WWOX: variants seen among roughly 807,000 people sequenced by gnomAD.
WWOX encodes WW domain-containing oxidoreductase.
Under a neutral mutation model 46.2 loss-of-function variants are expected in WWOX, and 69 were observed. The observed-to-expected ratio is 1.49, with a 90% CI of 1.23 to 1.82. The LOEUF (loss-of-function observed/expected upper bound fraction) is 1.82. Ranked by LOEUF, WWOX falls within the 40% of genes most tolerant of loss-of-function variation. The pLI is 0.00. For synonymous variants in WWOX, 359 were observed against 202.6 expected (o/e 1.77, Z -6.56); for missense variants, 919 against 542.6 (o/e 1.69, Z -6.89).
chr16:79,094,580 AAAC>A (rs2049031692), intron 8 of WWOX, among the ~76,000 whole-genome samples: 1 of 152,190 alleles, frequency 6.6e-6, no homozygotes, highest in African/African-American at 2.4e-5. Flanking sequence ...AGCAAATAAG[AAAC>A]AACAACAAAC....
At chr16:78,626,134 T>TA (rs1407594034) in intron 8 of WWOX, among the ~76,000 whole-genome samples, 3 of 151,020 alleles carry the variant, frequency 2.0e-5, no homozygotes, top group African/African-American at 4.9e-5. Context: ...TTTTATTTAT[T>TA]TTTTTTTTCT....
intron 5 of WWOX, among the ~76,000 whole-genome samples, chr16:78,201,669 C>T (rs1028210924): frequency 6.7e-6 from 1 of 149,744 alleles, no homozygotes; most frequent in African/African-American, 2.5e-5. Context: ...CTGGGCATTC[C>T]TTGGATTATT....
chr16:78,288,332 G>T (rs1457692801), intron 5 of WWOX, among the ~76,000 whole-genome samples: 2 of 148,394 alleles, frequency 1.3e-5, no homozygotes, highest in African/African-American at 2.5e-5. Context: ...GTGATAGGAC[G>T]GGTAACCCAG....
chr16:78,544,096 A>G (rs1025642497), intron 8 of WWOX, among the ~76,000 whole-genome samples: 5 of 152,190 alleles, frequency 3.3e-5, no homozygotes, highest in Admixed American at 2.6e-4. Context: ...TTTGACTTTC[A>G]GGATATTTGT....
At chr16:79,068,214 A>C (rs1306985906) in intron 8 of WWOX, among the ~76,000 whole-genome samples, 1 of 152,174 alleles carries the variant, frequency 6.6e-6, no homozygotes. Flanking sequence ...AAATAGTAGC[A>C]ACGGTAACTA....
intron 8 of WWOX, among the ~76,000 whole-genome samples, chr16:78,845,749 G>C (rs1175087402): frequency 3.3e-5 from 5 of 152,200 alleles, no homozygotes; most frequent in Non-Finnish European, 5.9e-5. Context: ...TGAAGGTTGA[G>C]ATATGTACTA....
chr16:79,025,821 G>C (rs185823073), intron 8 of WWOX, among the ~76,000 whole-genome samples: 5 of 16,122 alleles, frequency 3.1e-4, no homozygotes, highest in African/African-American at 8.1e-4. Flanking sequence ...TTTTTGAGAC[G>C]GAGTTTTGCT....
At chr16:78,406,476 C>G (rs2082549346) in intron 6 of WWOX, among the ~76,000 whole-genome samples, 1 of 150,264 alleles carries the variant, frequency 6.7e-6, no homozygotes. Context: ...CCTTAGCCTC[C>G]TGAGTAGCTG....
chr16:78,151,797 A>G (rs1371335142), intron 4 of WWOX, among the ~76,000 whole-genome samples: 3 of 152,102 alleles, frequency 2.0e-5, no homozygotes, highest in African/African-American at 7.2e-5. Context: ...CCTGCCCCCA[A>G]CCGGTAACTC....
intron 8 of WWOX, among the ~76,000 whole-genome samples, chr16:79,028,485 A>G (rs1215872481): frequency 6.6e-6 from 1 of 151,776 alleles, no homozygotes; most frequent in Admixed American, 6.6e-5. Flanking sequence ...CACAAATTGT[A>G]GGCTGCAAAT....
chr16:78,134,962 T>C (rs2033736810), intron 4 of WWOX, among the ~76,000 whole-genome samples: 1 of 152,196 alleles, frequency 6.6e-6, no homozygotes, highest in Non-Finnish European at 1.5e-5. Flanking sequence ...CAAATGGTGC[T>C]GATGGCACAG....
chr16:78,811,766 C>G (rs79338774), intron 8 of WWOX, among the ~76,000 whole-genome samples: 1 of 152,092 alleles, frequency 6.6e-6, no homozygotes. Flanking sequence ...GGGTCCCACA[C>G]CCAGATACCA....
At position 78,232,127 on chromosome 16, in the gene WWOX, T is replaced by A. The variant is rs527825220; in HGVS notation, c.516+67838T>A. Among the ~76,000 whole-genome samples, 287 of 152,170 alleles carry A rather than the reference T, an allele frequency of 1.9e-3. 5 individuals carry two copies. Among genetic ancestry groups the A allele is most frequent in the African/African-American group, 5.8e-3 (241 of 41,532 alleles). ...TACAAGTAAGTATACCTTATTTTTT[T>A]TAAAAAAATGAATGTGGTATTTCAC... On this transcript the variant is annotated intron_variant, in intron 5 of 8. Coordinates refer to ENST00000566780, the MANE Select transcript of WWOX (RefSeq NM_016373.4).
At chr16:78,297,219 G>A (rs995381184) in intron 5 of WWOX, among the ~76,000 whole-genome samples, 3 of 151,988 alleles carry the variant, frequency 2.0e-5, no homozygotes, top group South Asian at 2.1e-4. Flanking sequence ...TACGGCTCTC[G>A]CACGGAGCAT....
intron 8 of WWOX, among the ~76,000 whole-genome samples, chr16:79,053,890 A>G (rs955112071): frequency 1.3e-5 from 2 of 152,158 alleles, no homozygotes; most frequent in East Asian, 1.9e-4. Flanking sequence ...ACAGCTTTAT[A>G]GTACCCCAGC....
intron 5 of WWOX, among the ~76,000 whole-genome samples, chr16:78,208,541 G>A (rs1408519297): frequency 6.6e-6 from 1 of 152,070 alleles, no homozygotes; most frequent in Non-Finnish European, 1.5e-5. Flanking sequence ...TATTAATTTT[G>A]TCATGTTTAA....
At chr16:78,630,308 G>A (rs760265934) in intron 8 of WWOX, among the ~76,000 whole-genome samples, 3 of 152,070 alleles carry the variant, frequency 2.0e-5, no homozygotes, top group Admixed American at 1.3e-4. Flanking sequence ...GCTGCATCTG[G>A]GAACTTGGAA....
At chr16:78,766,807 G>A (rs1046601490) in intron 8 of WWOX, among the ~76,000 whole-genome samples, 1 of 152,114 alleles carries the variant, frequency 6.6e-6, no homozygotes, top group Non-Finnish European at 1.5e-5. Flanking sequence ...ACACAACTTA[G>A]TATTTATCAT....
intron 8 of WWOX, among the ~76,000 whole-genome samples, chr16:78,739,896 G>T (rs915059423): frequency 6.6e-6 from 1 of 152,050 alleles, no homozygotes; most frequent in East Asian, 1.9e-4. Flanking sequence ...GAATAATCTG[G>T]GTCAGAGAAT....
Sources: allele counts gnomAD v4.1 joint callset (sites outside exome capture counted in the v4.1 genomes callset), GRCh38; gene constraint gnomAD v4.1.1; transcripts MANE v1.5; gene names NCBI Gene and HGNC (gene_info 2026-07-23, HGNC 2026-07-21).